CSRNP3: variants seen among roughly 807,000 people sequenced by gnomAD.
The protein encoded by CSRNP3 is cysteine/serine-rich nuclear protein 3.
A neutral mutation model predicts 48.0 loss-of-function variants in CSRNP3; 12 were observed. The ratio of observed to expected loss-of-function variants is 0.25; its 90% CI spans 0.16 to 0.41. CSRNP3 has a LOEUF of 0.41. Ranked by LOEUF, CSRNP3 falls within the 10% of genes least tolerant of loss-of-function variation. The pLI is 1.00. For synonymous variants in CSRNP3, 263 were observed against 269.7 expected, an observed-to-expected ratio of 0.98 and a Z score of 0.24; for missense variants, 580 against 724.4, an observed-to-expected ratio of 0.80 and a Z score of 2.29.
intron 2 of CSRNP3, among the ~76,000 whole-genome samples, chr2:165,505,158 C>G (rs1329680963): frequency 1.3e-5 from 2 of 152,060 alleles, no homozygotes; most frequent in African/African-American, 4.8e-5. Flanking sequence ...CAAGTAAGAT[C>G]TGATTCTCAG....
chr2:165,653,254 G>A (rs1033465754), intron 4 of CSRNP3, among the ~76,000 whole-genome samples: 2 of 152,174 alleles, frequency 1.3e-5, no homozygotes, highest in African/African-American at 4.8e-5. Context: ...GGCTGATCTT[G>A]TAGTATTTTG....
intron 1 of CSRNP3, among the ~76,000 whole-genome samples, chr2:165,492,504 C>T (rs563103886): frequency 4.7e-4 from 72 of 152,040 alleles, no homozygotes; most frequent in Middle Eastern, 3.4e-3. Flanking sequence ...CTCACCTCCT[C>T]CATGTTATTA....
At chr2:165,496,377 G>A (rs1282858401) in intron 2 of CSRNP3, among the ~76,000 whole-genome samples, 5 of 152,010 alleles carry the variant, frequency 3.3e-5, no homozygotes, top group Admixed American at 3.3e-4. Context: ...CTGTAACCTT[G>A]TAGATGGCAC....
chr2:165,679,367 G>T lies in CSRNP3; in HGVS notation c.1372G>T (p.Asp458Tyr). ...NQISENYSERDTVKNGTLSLV... is the reference protein window; with the variant it reads ...NQISENYSERYTVKNGTLSLV... The stretch of plus-strand genomic sequence containing the variant: ...GATCTCTGAGAACTATTCTGAAAGA[G>T]ACACTGTCAAAAATGGTACCCTTTC... The change falls in exon 7 of 7, where the codon GAC (aspartate) becomes TAC (tyrosine). Residue 458 changes from aspartate (D) to tyrosine (Y), a missense_variant. Asp to Tyr is a radical substitution (Grantham distance 160). Coordinates refer to ENST00000651982, the MANE Select transcript of CSRNP3 (RefSeq NM_001172173.2). 3 of 1,613,688 alleles carry T rather than the reference G, an allele frequency of 1.9e-6. No homozygotes were observed. The highest frequency in any genetic ancestry group is 2.5e-6 in the Non-Finnish European group (3 of 1,179,906).
At chr2:165,624,408 C>T (rs1418663165) in intron 4 of CSRNP3, among the ~76,000 whole-genome samples, 1 of 152,150 alleles carries the variant, frequency 6.6e-6, no homozygotes, top group Non-Finnish European at 1.5e-5. Context: ...CTTCCTGAAA[C>T]ATTCTCTTAA....
chr2:165,504,005 A>T (rs531336654), intron 2 of CSRNP3, among the ~76,000 whole-genome samples: 2 of 152,140 alleles, frequency 1.3e-5, no homozygotes, highest in East Asian at 3.9e-4. Flanking sequence ...ATTTTGACCT[A>T]TTAATATGAT....
At chr2:165,637,508 G>A (rs767196475) in intron 4 of CSRNP3, among the ~76,000 whole-genome samples, 1 of 152,174 alleles carries the variant, frequency 6.6e-6, no homozygotes, top group Non-Finnish European at 1.5e-5. Flanking sequence ...GATTGGGATC[G>A]GAAAGGAGCG....
intron 1 of CSRNP3, among the ~76,000 whole-genome samples, chr2:165,476,876 T>G (rs1683969461): frequency 6.6e-6 from 1 of 152,194 alleles, no homozygotes; most frequent in Non-Finnish European, 1.5e-5. Flanking sequence ...GTGCAATTTT[T>G]AGTTGTTGTT....
At chr2:165,665,482 C>T (rs942990633) in intron 5 of CSRNP3, among the ~76,000 whole-genome samples, 34 of 152,058 alleles carry the variant, frequency 2.2e-4, no homozygotes, top group African/African-American at 7.7e-4. Context: ...ATTCTCTGGC[C>T]GGGCAGGGTG....
intron 3 of CSRNP3, among the ~76,000 whole-genome samples, chr2:165,582,780 T>C (rs990670192): frequency 2.0e-5 from 3 of 152,198 alleles, no homozygotes; most frequent in African/African-American, 7.2e-5. Context: ...TGTGCACTTT[T>C]TTCTGGGGAA....
At chr2:165,585,211 TG>T (rs1238564770) in intron 3 of CSRNP3, among the ~76,000 whole-genome samples, 5 of 133,928 alleles carry the variant, frequency 3.7e-5, no homozygotes, top group East Asian at 2.1e-4. Flanking sequence ...TAGCATAATG[TG>T]TTTTTTTTTT....
At chr2:165,615,518 C>T (rs370401415) in intron 4 of CSRNP3, among the ~76,000 whole-genome samples, 7 of 147,468 alleles carry the variant, frequency 4.7e-5, no homozygotes, top group Non-Finnish European at 7.4e-5. Context: ...ACTCTAGCCT[C>T]GGTGACAGAG....
At chr2:165,599,566 C>T (rs1685877667) in intron 4 of CSRNP3, among the ~76,000 whole-genome samples, 1 of 152,160 alleles carries the variant, frequency 6.6e-6, no homozygotes, top group South Asian at 2.1e-4. Context: ...GTCAGGATTA[C>T]AGGCAAGAGC....
At chr2:165,651,735 A>G (rs1686913553) in intron 4 of CSRNP3, among the ~76,000 whole-genome samples, 1 of 148,884 alleles carries the variant, frequency 6.7e-6, no homozygotes, top group Non-Finnish European at 1.5e-5. Context: ...AGCTCACTGC[A>G]ACCTCTGCCT....
rs55906634 is a variant in CSRNP3, at chr2:165,630,320, T to C, written c.149-27441T>C. 2.3e-3 allele frequency among the ~76,000 whole-genome samples: 343 copies of C among 152,358 alleles called. 1 individual carries two copies. Among genetic ancestry groups the C allele is most frequent in the African/African-American group, 7.9e-3 (327 of 41,588 alleles). ...TTAGAATAGCCATTTTTATTTCTTGTATACCTAAGACTGACTCCTCCTTTT... is the reference window on the plus strand; with the variant it reads ...TTAGAATAGCCATTTTTATTTCTTGCATACCTAAGACTGACTCCTCCTTTT... On this transcript the variant is annotated intron_variant, in intron 4 of 6. Coordinates refer to ENST00000651982, the MANE Select transcript of CSRNP3 (RefSeq NM_001172173.2).
intron 3 of CSRNP3, among the ~76,000 whole-genome samples, chr2:165,587,532 A>C (rs994691202): frequency 6.6e-6 from 1 of 152,246 alleles, no homozygotes; most frequent in African/African-American, 2.4e-5. Flanking sequence ...AGCCTTTGGA[A>C]CATTACAGTT....
intron 3 of CSRNP3, among the ~76,000 whole-genome samples, chr2:165,539,240 G>A (rs912396907): frequency 6.6e-6 from 1 of 151,844 alleles, no homozygotes; most frequent in Non-Finnish European, 1.5e-5. Flanking sequence ...TTTACTCTGT[G>A]GCTTCATGTA....
At chr2:165,635,323 A>G (rs773020051) in intron 4 of CSRNP3, among the ~76,000 whole-genome samples, 5 of 152,324 alleles carry the variant, frequency 3.3e-5, no homozygotes, top group Non-Finnish European at 7.3e-5. Context: ...CCTCAACACC[A>G]CATAGGACAA....
chr2:165,650,174 A>G (rs1044693937), intron 4 of CSRNP3, among the ~76,000 whole-genome samples: 4 of 152,194 alleles, frequency 2.6e-5, no homozygotes, highest in Non-Finnish European at 5.9e-5. Flanking sequence ...GTATTACTAA[A>G]TACCTTATTT....
Sources: gnomAD v4.1 joint callset for allele counts (sites outside exome capture counted in the v4.1 genomes callset) on GRCh38, gnomAD v4.1.1 for gene constraint, MANE v1.5 for transcripts, NCBI Gene and HGNC (gene_info 2026-07-23, HGNC 2026-07-21) for gene names.